The following GALNTL6 variants were observed in gnomAD, a reference collection of about 807,000 sequenced individuals.
The protein encoded by GALNTL6 is polypeptide N-acetylgalactosaminyltransferase like 6, also known as polypeptide N-acetylgalactosaminyltransferase-like 6.
Under a neutral mutation model 73.7 loss-of-function variants are expected in GALNTL6, and 46 were observed. The observed-to-expected ratio is 0.62, with a 90% CI of 0.49 to 0.80. GALNTL6 has a LOEUF of 0.80. Ranked by LOEUF, GALNTL6 falls within the 30% of genes least tolerant of loss-of-function variation. The pLI, the probability that GALNTL6 is intolerant of heterozygous loss-of-function variation, is 0.00. For synonymous variants in GALNTL6, 259 were observed against 263.7 expected (o/e 0.98, Z 0.17); for missense variants, 604 against 755.0 (o/e 0.80, Z 2.34).
intron 2 of GALNTL6, among the ~76,000 whole-genome samples, chr4:172,033,209 T>G (rs1462460650): frequency 1.3e-5 from 2 of 151,930 alleles, no homozygotes; most frequent in African/African-American, 4.8e-5. Flanking sequence ...ACAACTCTGA[T>G]TTTTGAGAGA....
intron 10 of GALNTL6, among the ~76,000 whole-genome samples, chr4:172,963,508 C>T (rs1229446499): frequency 1.3e-5 from 2 of 152,172 alleles, no homozygotes; most frequent in Non-Finnish European, 2.9e-5. Flanking sequence ...GTTGCTACTG[C>T]TCTTTCGCAG....
At chr4:172,477,379 G>C (rs1733276839) in intron 5 of GALNTL6, among the ~76,000 whole-genome samples, 1 of 152,154 alleles carries the variant, frequency 6.6e-6, no homozygotes, top group Admixed American at 6.5e-5. Flanking sequence ...AATAGTTTGT[G>C]TATAGTAGAT....
At chr4:172,337,684 G>A (rs1042107203) in intron 4 of GALNTL6, among the ~76,000 whole-genome samples, 18 of 136,872 alleles carry the variant, frequency 1.3e-4, no homozygotes, top group African/African-American at 3.4e-4. Flanking sequence ...TACTCTACCC[G>A]TCTTTAAGGT....
chr4:172,332,552 G>A (rs577607639), intron 4 of GALNTL6, among the ~76,000 whole-genome samples: 28 of 151,006 alleles, frequency 1.9e-4, no homozygotes, highest in African/African-American at 6.1e-4. Flanking sequence ...ACATATAAGC[G>A]AGAACATGTG....
At chr4:171,862,543 C>A (rs967614516) in intron 2 of GALNTL6, among the ~76,000 whole-genome samples, 4 of 151,914 alleles carry the variant, frequency 2.6e-5, no homozygotes, top group Admixed American at 1.3e-4. Context: ...AGTAAGCAAG[C>A]AAATACTAGC....
intron 5 of GALNTL6, among the ~76,000 whole-genome samples, chr4:172,797,084 C>T (rs1349452629): frequency 6.6e-6 from 1 of 151,908 alleles, no homozygotes; most frequent in Non-Finnish European, 1.5e-5. Context: ...ATAAATTCTT[C>T]TGAAAAAAAC....
chr4:172,521,759 C>T (rs891611396), intron 5 of GALNTL6, among the ~76,000 whole-genome samples: 1 of 152,086 alleles, frequency 6.6e-6, no homozygotes, highest in African/African-American at 2.4e-5. Context: ...TTTCAAATAT[C>T]CAGAGAAATG....
chr4:172,118,983 A>G (rs1733070938), intron 2 of GALNTL6, among the ~76,000 whole-genome samples: 4 of 150,864 alleles, frequency 2.7e-5, no homozygotes, highest in African/African-American at 9.7e-5. Context: ...TTTTTTTTGC[A>G]ACTATCTCAT....
At chr4:172,097,674 T>C (rs985771329) in intron 2 of GALNTL6, among the ~76,000 whole-genome samples, 4 of 152,210 alleles carry the variant, frequency 2.6e-5, no homozygotes, top group African/African-American at 9.6e-5. Context: ...TCTGAAGTCA[T>C]TGTTTGTTGA....
At chr4:173,021,437 A>G in intron 11 of GALNTL6, 39 bp from the exon 12 acceptor site, 1 of 1,610,914 alleles carries the variant, frequency 6.2e-7, no homozygotes, top group Admixed American at 1.7e-5. Flanking sequence ...TCTCCAAAAC[A>G]AACTCACTGC....
chr4:172,420,766 A>G (rs1284901885), intron 5 of GALNTL6, among the ~76,000 whole-genome samples: 1 of 152,164 alleles, frequency 6.6e-6, no homozygotes. Flanking sequence ...AACCAACCCA[A>G]ACGCCCATCA....
At chr4:172,877,955 A>G (rs555546384) in intron 7 of GALNTL6, among the ~76,000 whole-genome samples, 41 of 152,174 alleles carry the variant, frequency 2.7e-4, no homozygotes, top group Admixed American at 2.6e-3. Context: ...AAAAATAGCA[A>G]GAATATTTTG....
chr4:172,328,769 G>C (rs559328580), intron 4 of GALNTL6, among the ~76,000 whole-genome samples: 1 of 152,134 alleles, frequency 6.6e-6, no homozygotes. Context: ...GTGTCATTTC[G>C]TTGTGATTCT....
intron 2 of GALNTL6, among the ~76,000 whole-genome samples, chr4:172,117,215 T>C (rs1733007935): frequency 6.6e-6 from 1 of 152,182 alleles, no homozygotes; most frequent in African/African-American, 2.4e-5. Context: ...GCAATAGCTA[T>C]TTTTCAGTCG....
At chr4:171,948,615 C>T (rs974569080) in intron 2 of GALNTL6, among the ~76,000 whole-genome samples, 1 of 152,074 alleles carries the variant, frequency 6.6e-6, no homozygotes, top group Non-Finnish European at 1.5e-5. Flanking sequence ...ACATGCATAT[C>T]TATAGACTAT....
intron 5 of GALNTL6, among the ~76,000 whole-genome samples, chr4:172,433,704 T>C (rs1456063804): frequency 6.8e-6 from 1 of 148,052 alleles, no homozygotes; most frequent in Non-Finnish European, 1.5e-5. Flanking sequence ...CCAGTGATTT[T>C]TTTTTTCTCC....
chr4:172,417,362 C>A (rs1320026610), intron 5 of GALNTL6, among the ~76,000 whole-genome samples: 2 of 152,026 alleles, frequency 1.3e-5, no homozygotes, highest in Non-Finnish European at 2.9e-5. Context: ...GTTGCTAGAC[C>A]CTGGCTAAAT....
chr4:172,924,388 G>A (rs890510610), intron 8 of GALNTL6, among the ~76,000 whole-genome samples: 7 of 152,214 alleles, frequency 4.6e-5, no homozygotes, highest in African/African-American at 1.7e-4. Context: ...AACTTTAAGT[G>A]GGTCACACAT....
chr4:172,704,956 T>C (rs1327849876), intron 5 of GALNTL6, among the ~76,000 whole-genome samples: 1 of 152,050 alleles, frequency 6.6e-6, no homozygotes, highest in Non-Finnish European at 1.5e-5. Flanking sequence ...TTTCACTTTA[T>C]AGTTTTTGAC....
Sources: gnomAD v4.1 joint callset for allele counts (sites outside exome capture counted in the v4.1 genomes callset) on GRCh38, gnomAD v4.1.1 for gene constraint, MANE v1.5 for transcripts, NCBI Gene and HGNC (gene_info 2026-07-23, HGNC 2026-07-21) for gene names.